SLC25A12: variants seen among roughly 807,000 people sequenced by gnomAD.
SLC25A12 encodes the protein electrogenic aspartate/glutamate antiporter SLC25A12, mitochondrial.
A neutral mutation model predicts 83.3 loss-of-function variants in SLC25A12; 32 were observed. The ratio of observed to expected loss-of-function variants is 0.38; its 90% CI spans 0.29 to 0.52. The LOEUF (loss-of-function observed/expected upper bound fraction) is 0.52, where lower values mean the gene tolerates loss of function less well. Ranked by LOEUF, SLC25A12 falls within the 20% of genes least tolerant of loss-of-function variation. The probability of loss-of-function intolerance (pLI) is 0.84; values close to 1 mark genes in which losing one functional copy is unlikely to be tolerated. For synonymous variants in SLC25A12, 267 were observed against 291.1 expected (o/e 0.92, Z 0.84); for missense variants, 611 against 835.6 (o/e 0.73, Z 3.31).
chr2:171,827,411 T>C (rs1337532492), intron 8 of SLC25A12, among the ~76,000 whole-genome samples: 1 of 152,140 alleles, frequency 6.6e-6, no homozygotes, highest in Admixed American at 6.5e-5. Flanking sequence ...CAGCCTCTGA[T>C]TGGTCATGGG....
intron 14 of SLC25A12, among the ~76,000 whole-genome samples, chr2:171,791,811 A>G (rs1223984635): frequency 6.6e-6 from 1 of 152,210 alleles, no homozygotes; most frequent in Non-Finnish European, 1.5e-5. Flanking sequence ...TTGTGAAAGC[A>G]TGGTGAATCC....
intron 13 of SLC25A12, among the ~76,000 whole-genome samples, chr2:171,794,220 G>T (rs1166453180): frequency 1.3e-5 from 2 of 152,176 alleles, no homozygotes; most frequent in African/African-American, 2.4e-5. Flanking sequence ...AGCGTTCTTG[G>T]CAGCAGACCC....
chr2:171,827,285 C>G (rs1242321675), intron 8 of SLC25A12, among the ~76,000 whole-genome samples: 4 of 150,368 alleles, frequency 2.7e-5, no homozygotes, highest in Non-Finnish European at 1.5e-5. Flanking sequence ...AGGAAAGGAA[C>G]AAGGGTATGA....
Position 171,785,359 on chromosome 2 carries a change from T to A in SLC25A12, c.1952A>T (p.Asn651Ile). Residue 651 changes from asparagine to isoleucine, a missense_variant, in exon 18 of 18, where the codon AAC (asparagine) becomes ATC (isoleucine). Around this residue, in one of 3 missense-constraint regions of SLC25A12, gnomAD observed 37 missense variants for 35.1 expected, o/e 1.05. Transcript: ENST00000422440. The stretch of plus-strand genomic sequence containing the variant: ...TTTCGGGAGATAAAGGCCAAATTTG[T>A]TTTCGATGCCTGCAAACGTGGCTGT... ...LATATFAGIE[N>I]KFGLYLPKFK... is the part of the protein sequence containing the mutation. 1.9e-6 allele frequency: 3 copies of A among 1,614,148 alleles called. No homozygotes were observed. Among genetic ancestry groups the A allele is most frequent in the Non-Finnish European group, 2.5e-6 (3 of 1,180,022 alleles).
At chr2:171,809,065 T>C (rs1683898589) in intron 13 of SLC25A12, among the ~76,000 whole-genome samples, 1 of 152,210 alleles carries the variant, frequency 6.6e-6, no homozygotes, top group Non-Finnish European at 1.5e-5. Context: ...TATTATTCCA[T>C]GGTGTATATG....
At chr2:171,889,351 T>A (rs989585335) in intron 2 of SLC25A12, among the ~76,000 whole-genome samples, 2 of 152,338 alleles carry the variant, frequency 1.3e-5, no homozygotes, top group African/African-American at 4.8e-5. Flanking sequence ...CCATATTTAA[T>A]ACCAAATTCG....
intron 3 of SLC25A12, among the ~76,000 whole-genome samples, chr2:171,866,839 G>C (rs1685330280): frequency 6.7e-6 from 1 of 148,608 alleles, no homozygotes; most frequent in African/African-American, 2.5e-5. Flanking sequence ...TCCCGGACGG[G>C]GTGGCTGCCG....
chr2:171,865,398 C>T (rs1470072341), intron 3 of SLC25A12, among the ~76,000 whole-genome samples: 1 of 152,140 alleles, frequency 6.6e-6, no homozygotes, highest in East Asian at 1.9e-4. Context: ...TGGTAGCTCA[C>T]ACCTCTAATC....
intron 13 of SLC25A12, among the ~76,000 whole-genome samples, chr2:171,803,413 A>T (rs1203568894): frequency 6.6e-6 from 1 of 152,214 alleles, no homozygotes; most frequent in Non-Finnish European, 1.5e-5. Flanking sequence ...AGGGACTCAT[A>T]TCTAGAATAT....
In SLC25A12 at chr2:171,784,141, T is replaced by C. The variant is rs1230749025; in HGVS notation, c.*1133A>G. Among the ~76,000 whole-genome samples, 2 of 152,206 alleles carry C rather than the reference T, an allele frequency of 1.3e-5. No individual in the cohort carries two copies. The highest frequency in any genetic ancestry group is 2.9e-5 in the Non-Finnish European group (2 of 68,042). ...AGTGACTTTTAGAACAGTTTGCATT[T>C]GGATTCCAAAGTAAGAACCTAGACC... On this transcript the variant is annotated 3_prime_UTR_variant, in exon 18 of 18. Transcript: ENST00000422440.
intron 9 of SLC25A12, among the ~76,000 whole-genome samples, chr2:171,824,667 CTT>C (rs1200056660): frequency 6.9e-6 from 1 of 145,938 alleles, no homozygotes; most frequent in African/African-American, 2.4e-5. Context: ...TTCAATGTCT[CTT>C]AATTTTATTA....
intron 5 of SLC25A12, among the ~76,000 whole-genome samples, chr2:171,843,795 C>CAT (rs1684733486): frequency 8.5e-6 from 1 of 117,300 alleles, no homozygotes; most frequent in Non-Finnish European, 1.7e-5. Context: ...AAAGAACTAG[C>CAT]TTTTTTTTTT....
Position 171,793,731 on chromosome 2 carries a change from C to T in SLC25A12, c.1342G>A (p.Glu448Lys), listed in dbSNP as rs369230175. 1.9e-6 allele frequency: 3 copies of T among 1,614,036 alleles called. No individual in the cohort carries two copies. The African/African-American group carries it at 4.0e-5, about 22-fold the overall frequency. Residue 448 changes from glutamate (E) to lysine (K), a missense_variant, in exon 14 of 18, where the codon GAG becomes AAG. Physicochemically the swap from Glu to Lys is moderately conservative, Grantham distance 56. Transcript: ENST00000422440. ...ACTTGCAGACGAATCTTCACTATCT[C>T]CAATGGGTTGGTAAAAATGACCTGA... ...GSQVIFTNPL[E>K]IVKIRLQVAG...
rs1055211988 is a variant in SLC25A12 at position 171,797,058 on chromosome 2, T to C, written c.1306-3291A>G. Among the ~76,000 whole-genome samples, 10 of 152,334 alleles carry C rather than the reference T, an allele frequency of 6.6e-5. 1 individual carries two copies. The highest frequency in any genetic ancestry group is 2.4e-4 in the African/African-American group (10 of 41,578). On this transcript the variant is annotated intron_variant, in intron 13 of 17. Coordinates refer to ENST00000422440, the MANE Select transcript of SLC25A12 (RefSeq NM_003705.5). ...AAATACAGAGAAATACCATATTTCT[T>C]CTAAGACTCTATTGATTATAAATGA...
intron 2 of SLC25A12, among the ~76,000 whole-genome samples, chr2:171,869,681 G>A (rs776800832): frequency 4.6e-5 from 7 of 152,094 alleles, no homozygotes; most frequent in Non-Finnish European, 5.9e-5. Context: ...TATATACTAT[G>A]GGATGACCAA....
Position 171,783,965 on chromosome 2 carries a change from G to A in SLC25A12, c.*1309C>T, listed in dbSNP as rs1410727569. Among the ~76,000 whole-genome samples the A allele has an allele frequency of 6.6e-6, 1 of 152,158 alleles. No individual in the cohort carries two copies. The highest frequency in any genetic ancestry group is 1.5e-5 in the Non-Finnish European group (1 of 68,046). ...TATTTGCATACATTCTCATATCCCA[G>A]CTTACTGGCAGTAGCAATAATGTCT... is the stretch of plus-strand genomic sequence containing the variant. On this transcript the variant is annotated 3_prime_UTR_variant, in exon 18 of 18. Transcript: ENST00000422440.
intron 3 of SLC25A12, among the ~76,000 whole-genome samples, chr2:171,863,311 G>A (rs1048771332): frequency 6.6e-6 from 1 of 152,128 alleles, no homozygotes; most frequent in East Asian, 1.9e-4. Flanking sequence ...AGATCACAAG[G>A]TCAGGAGTTC....
chr2:171,825,461 G>A (rs1310893777), intron 9 of SLC25A12, among the ~76,000 whole-genome samples: 3 of 152,184 alleles, frequency 2.0e-5, no homozygotes, highest in Non-Finnish European at 4.4e-5. Context: ...TAACACATTT[G>A]GTGAAGGTGA....
chr2:171,869,441 C>A (rs1273443061), intron 2 of SLC25A12, among the ~76,000 whole-genome samples: 8 of 152,156 alleles, frequency 5.3e-5, no homozygotes, highest in African/African-American at 1.9e-4. Context: ...CTCCCAGAGG[C>A]TTCCTGTCTA....
Sources: gnomAD v4.1 joint callset for allele counts (sites outside exome capture counted in the v4.1 genomes callset) on GRCh38, gnomAD v4.1.1 for gene constraint, gnomAD v4.1.1 regional missense constraint, MANE v1.5 for transcripts, NCBI Gene and HGNC (gene_info 2026-07-23, HGNC 2026-07-21) for gene names.